SEPTIN9: variants seen among roughly 807,000 people sequenced by gnomAD.
SEPTIN9 encodes septin 9.
SEPTIN9 carries 13 observed loss-of-function variants against 56.6 expected under a neutral mutation model. The ratio of observed to expected loss-of-function variants is 0.23; its 90% CI spans 0.15 to 0.37. SEPTIN9 has a LOEUF of 0.37. Among genes scored for constraint, SEPTIN9 ranks in the 10% least tolerant of loss-of-function variants. The pLI is 1.00. For synonymous variants in SEPTIN9, 332 were observed against 334.1 expected, an observed-to-expected ratio of 0.99 and a Z score of 0.07; for missense variants, 650 against 823.1, an observed-to-expected ratio of 0.79 and a Z score of 2.57.
chr17:77,486,792 AC>A (rs1480506713), intron 4 of SEPTIN9, among the ~76,000 whole-genome samples: 1 of 152,058 alleles, frequency 6.6e-6, no homozygotes, highest in Non-Finnish European at 1.5e-5. Flanking sequence ...GAGTGGCACC[AC>A]CCTGCAGGCC....
intron 2 of SEPTIN9, among the ~76,000 whole-genome samples, chr17:77,351,874 C>A (rs887343643): frequency 2.0e-5 from 3 of 152,232 alleles, no homozygotes; most frequent in Admixed American, 6.5e-5. Context: ...ACACAGGGGC[C>A]CCGACATGGC....
chr17:77,468,050 G>A (rs1279543777), intron 3 of SEPTIN9, among the ~76,000 whole-genome samples: 1 of 152,084 alleles, frequency 6.6e-6, no homozygotes, highest in Non-Finnish European at 1.5e-5. Context: ...CGGATTACGA[G>A]GTCAGGAGAT....
rs746746212 is a variant in SEPTIN9 at position 77,476,009 on chromosome 17, C to T, written c.722-6135C>T. ...TTGACTTGACCCTGAGCACTTTGTC[C>T]TGGGGTGCAGGCCCGGCTGTCACTC... On this transcript the variant is annotated intron_variant, in intron 3 of 11. Coordinates refer to ENST00000427177, the MANE Select transcript of SEPTIN9 (RefSeq NM_001113491.2). The surrounding 1 kb of genome is among the most constrained non-coding windows in gnomAD (Gnocchi z 6.0). 3.3e-5 allele frequency: 41 copies of T among 1,254,078 alleles called. No individual in the cohort carries two copies. The highest frequency in any genetic ancestry group is 4.5e-5 in the Non-Finnish European group (40 of 893,182). The allele number at this position is 1,254,078 out of a possible 1,614,324, so 77.7% of individuals were successfully genotyped here. A position where few individuals can be genotyped will look rare whatever the true frequency, so the allele number is the denominator to read the frequency against.
At position 77,327,795 on chromosome 17, in the gene SEPTIN9, G is replaced by A. The variant is rs905182163; in HGVS notation, c.76+20598G>A. On this transcript the variant is annotated intron_variant, in intron 2 of 11. Transcript: ENST00000427177. The surrounding 1 kb of genome is among the most constrained non-coding windows in gnomAD (Gnocchi z 5.0). ...AACACTGAATAAACAACACACCCTC[G>A]AAATCAGCGAAGAGGCACTGGCTCT... is the stretch of plus-strand genomic sequence containing the variant. Among the ~76,000 whole-genome samples, 4 of 152,064 alleles carry A rather than the reference G, an allele frequency of 2.6e-5. No individual in the cohort carries two copies. The highest frequency in any genetic ancestry group is 2.1e-4 in the South Asian group (1 of 4,818).
intron 3 of SEPTIN9, among the ~76,000 whole-genome samples, chr17:77,464,231 C>A (rs1568090843): frequency 6.6e-6 from 1 of 152,052 alleles, no homozygotes; most frequent in Non-Finnish European, 1.5e-5. Context: ...TGCCTGCCAC[C>A]ACACGTGGCT....
chr17:77,385,988 G>T (rs1221849365), intron 2 of SEPTIN9, among the ~76,000 whole-genome samples: 1 of 152,200 alleles, frequency 6.6e-6, no homozygotes, highest in African/African-American at 2.4e-5. Context: ...GGCTGGAAGG[G>T]ATCTTTCGGT....
rs1405146033 is a variant in SEPTIN9 at position 77,389,891 on chromosome 17, T to C, written c.77-12168T>C. Among the ~76,000 whole-genome samples the C allele has an allele frequency of 6.6e-6, 1 of 151,878 alleles. No homozygotes were observed. The highest frequency in any genetic ancestry group is 6.6e-5 in the Admixed American group (1 of 15,266). Reference sequence around the variant, plus strand: ...TAGACCAGTGCAGCACATCTGAGAGTGTGCCAGAGGTGCTCCCATTCCCAT... The same window carrying C: ...TAGACCAGTGCAGCACATCTGAGAGCGTGCCAGAGGTGCTCCCATTCCCAT... On this transcript the variant is annotated intron_variant, in intron 2 of 11. Transcript: ENST00000427177. The surrounding 1 kb of genome is among the most constrained non-coding windows in gnomAD (Gnocchi z 4.3).
rs2035059430 is a variant in SEPTIN9, at chr17:77,379,384, G to A, written c.77-22675G>A. ...TCGTCGGCTGTCTTGGTGGTGGAGA[G>A]CGTGCATGGTGGCCGTACGTGATGG... On this transcript the variant is annotated intron_variant, in intron 2 of 11. Coordinates refer to ENST00000427177, the MANE Select transcript of SEPTIN9 (RefSeq NM_001113491.2). Among the ~76,000 whole-genome samples, 3 of 151,944 alleles carry A rather than the reference G, an allele frequency of 2.0e-5. No homozygotes were observed. The South Asian group carries it at 6.3e-4, about 32-fold the overall frequency.
intron 2 of SEPTIN9, among the ~76,000 whole-genome samples, chr17:77,358,021 T>C (rs533614110): frequency 5.4e-4 from 83 of 152,338 alleles, no homozygotes; most frequent in African/African-American, 1.9e-3. Flanking sequence ...AAGCTCCTAT[T>C]TTAGGCCAGG....
At chr17:77,338,523 A>G (rs938537262) in intron 2 of SEPTIN9, among the ~76,000 whole-genome samples, 3 of 152,186 alleles carry the variant, frequency 2.0e-5, no homozygotes, top group East Asian at 3.9e-4. Flanking sequence ...GGTTCAAGCA[A>G]TTCTCCTGCC....
At chr17:77,385,471 G>A (rs575534203) in intron 2 of SEPTIN9, among the ~76,000 whole-genome samples, 5 of 152,132 alleles carry the variant, frequency 3.3e-5, no homozygotes, top group Middle Eastern at 3.4e-3. Flanking sequence ...CATCCATCTC[G>A]GCCTCCCAAG....
chr17:77,450,129 G>A lies in SEPTIN9; in HGVS notation c.722-32015G>A, dbSNP rs923680262. On this transcript the variant is annotated intron_variant, in intron 3 of 11. Coordinates refer to ENST00000427177, the MANE Select transcript of SEPTIN9 (RefSeq NM_001113491.2). The surrounding 1 kb of genome is among the most constrained non-coding windows in gnomAD (Gnocchi z 6.0). ...GTTCACTGTGAGGGTGGGGAGGGCC[G>A]TGGGACCAGGAGGCCTTAGGGGGAA... Among the ~76,000 whole-genome samples the A allele has an allele frequency of 1.3e-5, 2 of 152,180 alleles. No homozygotes were observed. The highest frequency in any genetic ancestry group is 4.8e-5 in the African/African-American group (2 of 41,452).
chr17:77,480,255 C>A (rs746395274), intron 3 of SEPTIN9, among the ~76,000 whole-genome samples: 1 of 152,204 alleles, frequency 6.6e-6, no homozygotes, highest in Non-Finnish European at 1.5e-5. Flanking sequence ...GCTGAGAAGA[C>A]GGGGAGGTGC....
At chr17:77,307,690 C>T (rs1191994306) in intron 2 of SEPTIN9, among the ~76,000 whole-genome samples, 1 of 152,162 alleles carries the variant, frequency 6.6e-6, no homozygotes, top group Non-Finnish European at 1.5e-5. Context: ...CACTGTGCTA[C>T]TCCTTGTGCT....
At chr17:77,314,854 G>A (rs1369010645) in intron 2 of SEPTIN9, among the ~76,000 whole-genome samples, 2 of 152,242 alleles carry the variant, frequency 1.3e-5, no homozygotes, top group African/African-American at 4.8e-5. Context: ...TGCCTGGTAT[G>A]TGTCCCCTCC....
chr17:77,429,689 C>T lies in SEPTIN9; in HGVS notation c.721+26986C>T, dbSNP rs1214834043. On this transcript the variant is annotated intron_variant, in intron 3 of 11. Coordinates refer to ENST00000427177, the MANE Select transcript of SEPTIN9 (RefSeq NM_001113491.2). The surrounding 1 kb of genome is among the most constrained non-coding windows in gnomAD (Gnocchi z 5.2). ...TGGGCAGGAGCTGGCCAGTAATAGG[C>T]TGACGAGGGAGGCCCTGCTGGCTGG... Among the ~76,000 whole-genome samples, 1 of 152,068 alleles carries T rather than the reference C, an allele frequency of 6.6e-6. No homozygotes were observed. Among genetic ancestry groups the T allele is most frequent in the Non-Finnish European group, 1.5e-5 (1 of 67,988 alleles).
chr17:77,311,543 T>TGCTA (rs1219307663), intron 2 of SEPTIN9, among the ~76,000 whole-genome samples: 2 of 152,158 alleles, frequency 1.3e-5, no homozygotes, highest in Non-Finnish European at 2.9e-5. Flanking sequence ...CTTCATCCTA[T>TGCTA]GCTAGTTCCC....
intron 2 of SEPTIN9, among the ~76,000 whole-genome samples, chr17:77,312,376 C>T (rs1020684480): frequency 2.0e-5 from 3 of 152,190 alleles, no homozygotes; most frequent in East Asian, 3.8e-4. Context: ...GCCCTGATAC[C>T]GCTTTCCAGC....
Position 77,490,785 on chromosome 17 carries a change from G to A in SEPTIN9, c.1306G>A (p.Val436Met), listed in dbSNP as rs1432613879. The change falls in exon 8 of 12, where the codon GTG becomes ATG. Residue 436 changes from valine to methionine, a missense_variant. Physicochemically the swap from Val to Met is conservative, Grantham distance 21. Around this residue, in one of 2 missense-constraint regions of SEPTIN9, gnomAD observed 333 missense variants for 494.0 expected, o/e 0.67. Transcript: ENST00000427177. ...CGAGTTTATGAAACGCCTGAGCAAG[G>A]TGGTCAACATCGTCCCTGTCATCGC... ...DIEFMKRLSK[V>M]VNIVPVIAKA... 4 of 1,593,778 alleles carry A rather than the reference G, an allele frequency of 2.5e-6. No homozygotes were observed. Among genetic ancestry groups the A allele is most frequent in the Non-Finnish European group, 3.4e-6 (4 of 1,169,970 alleles).
Sources: gnomAD v4.1 joint callset for allele counts (sites outside exome capture counted in the v4.1 genomes callset) on GRCh38, gnomAD v4.1.1 for gene constraint, gnomAD v4.1.1 regional missense constraint, Gnocchi (gnomAD v3.1) non-coding constraint, MANE v1.5 for transcripts, NCBI Gene and HGNC (gene_info 2026-07-23, HGNC 2026-07-21) for gene names.